ANO4: variants seen among roughly 807,000 people sequenced by gnomAD.
ANO4 encodes the protein anoctamin-4.
ANO4 carries 69 observed loss-of-function variants against 141.9 expected under a neutral mutation model. That is an observed-to-expected ratio of 0.49 (90% confidence interval 0.40 to 0.59). The LOEUF (loss-of-function observed/expected upper bound fraction) is 0.59. Ranked by LOEUF, ANO4 falls within the 20% of genes least tolerant of loss-of-function variation. The pLI, the probability that ANO4 is intolerant of heterozygous loss-of-function variation, is 0.00. For synonymous variants in ANO4, 350 were observed against 394.3 expected (o/e 0.89, Z 1.33); for missense variants, 894 against 1,162.2 (o/e 0.77, Z 3.36).
chr12:101,008,778 C>T (rs1052722253), intron 8 of ANO4, among the ~76,000 whole-genome samples: 6 of 152,084 alleles, frequency 3.9e-5, no homozygotes, highest in Non-Finnish European at 5.9e-5. Flanking sequence ...ATGCATCATA[C>T]GTAATCAATT....
chr12:101,108,908 C>A (rs1330604984), intron 22 of ANO4, among the ~76,000 whole-genome samples: 1 of 152,178 alleles, frequency 6.6e-6, no homozygotes, highest in East Asian at 1.9e-4. Flanking sequence ...GTCTAATCCA[C>A]AGACCTTATT....
At chr12:100,800,161 A>G (rs939675754) in intron 1 of ANO4, among the ~76,000 whole-genome samples, 1 of 152,248 alleles carries the variant, frequency 6.6e-6, no homozygotes, top group South Asian at 2.1e-4. Context: ...AAAACTATGC[A>G]TAGTTTTTCC....
intron 14 of ANO4, among the ~76,000 whole-genome samples, chr12:101,074,644 A>T (rs2048952719): frequency 6.6e-6 from 1 of 152,208 alleles, no homozygotes; most frequent in South Asian, 2.1e-4. Context: ...AATGAGAGTG[A>T]TAGTTAGAAC....
chr12:100,935,298 T>G (rs1208901083), intron 3 of ANO4, among the ~76,000 whole-genome samples: 1 of 152,220 alleles, frequency 6.6e-6, no homozygotes, highest in East Asian at 1.9e-4. Context: ...GTTTTTAGCA[T>G]GAAGGGCTGT....
chr12:100,729,715 A>G (rs1272758001), intron 1 of ANO4, among the ~76,000 whole-genome samples: 1 of 152,224 alleles, frequency 6.6e-6, no homozygotes, highest in Non-Finnish European at 1.5e-5. Flanking sequence ...GCTCTTCTGT[A>G]AAATCTAGCC....
chr12:100,796,811 A>C (rs192210640), intron 1 of ANO4, among the ~76,000 whole-genome samples: 1 of 152,022 alleles, frequency 6.6e-6, no homozygotes, highest in African/African-American at 2.4e-5. Flanking sequence ...TTTCATCCTT[A>C]ATGGTGTGTT....
At chr12:100,880,267 A>G (rs972212647) in intron 1 of ANO4, among the ~76,000 whole-genome samples, 4 of 152,206 alleles carry the variant, frequency 2.6e-5, no homozygotes, top group Non-Finnish European at 5.9e-5. Flanking sequence ...GTTAAATTCT[A>G]TAGGTCATGT....
chr12:100,931,559 T>C (rs866552508), intron 3 of ANO4, among the ~76,000 whole-genome samples: 42 of 152,302 alleles, frequency 2.8e-4, no homozygotes, highest in African/African-American at 9.1e-4. Flanking sequence ...CTGGCTTCTT[T>C]ATAATAATAC....
intron 3 of ANO4, among the ~76,000 whole-genome samples, chr12:100,783,718 T>G (rs2033777373): frequency 6.6e-6 from 1 of 152,194 alleles, no homozygotes; most frequent in African/African-American, 2.4e-5. Flanking sequence ...GTCAGGAATT[T>G]GCAGCTTTAT....
At chr12:101,104,601 GTGTGTGTGTGTGTGTATGTA>G (rs1460069949) in intron 22 of ANO4, among the ~76,000 whole-genome samples, 7 of 69,510 alleles carry the variant, frequency 1.0e-4, no homozygotes, top group Non-Finnish European at 1.4e-4. Flanking sequence ...ATATGTGTGT[GTGTGTGTGTGTGTGTATGTA>G]TGTGTGTATA....
chr12:100,910,923 T>G (rs2041072928), intron 2 of ANO4, among the ~76,000 whole-genome samples: 1 of 152,150 alleles, frequency 6.6e-6, no homozygotes, highest in African/African-American at 2.4e-5. Flanking sequence ...CCTTTCCACA[T>G]TTATGCATGA....
chr12:100,749,886 C>T (rs1031013125), intron 3 of ANO4, among the ~76,000 whole-genome samples: 1 of 152,044 alleles, frequency 6.6e-6, no homozygotes, highest in Non-Finnish European at 1.5e-5. Context: ...AGGGATAATG[C>T]GAGGGACATT....
At chr12:101,096,022 T>A (rs1438364044) in intron 18 of ANO4, among the ~76,000 whole-genome samples, 1 of 151,958 alleles carries the variant, frequency 6.6e-6, no homozygotes, top group Admixed American at 6.6e-5. Context: ...GAATGGAAAA[T>A]GGGGGATAAG....
intron 3 of ANO4, among the ~76,000 whole-genome samples, chr12:100,774,295 T>C (rs781111980): frequency 1.6e-4 from 25 of 152,198 alleles, no homozygotes; most frequent in African/African-American, 5.3e-4. Flanking sequence ...ATCTTAAGAA[T>C]AGCCAGAAAC....
chr12:100,861,858 C>A (rs2038497865), intron 1 of ANO4, among the ~76,000 whole-genome samples: 1 of 151,866 alleles, frequency 6.6e-6, no homozygotes, highest in South Asian at 2.1e-4. Flanking sequence ...TTTAAACTTT[C>A]TTTGTTAAGA....
At chr12:100,971,199 C>T (rs1464971286) in intron 5 of ANO4, 107 bp from the exon 6 acceptor site, 2 of 683,228 alleles carry the variant, frequency 2.9e-6, no homozygotes. Flanking sequence ...GAGGAATGCC[C>T]CAAATCATAA....
intron 3 of ANO4, among the ~76,000 whole-genome samples, chr12:100,763,977 C>A (rs562805578): frequency 6.6e-6 from 1 of 151,674 alleles, no homozygotes; most frequent in Non-Finnish European, 1.5e-5. Flanking sequence ...GGATTTGATT[C>A]TTGCCTTTGT....
chr12:100,971,443 G>A, intron 6 of ANO4, 37 bp downstream of exon 6: 1 of 1,398,432 alleles, frequency 7.2e-7, no homozygotes, highest in Non-Finnish European at 1.0e-6. Context: ...TCTCTCTGCT[G>A]CTTCACTGTA....
chr12:101,058,674 G>A (rs960679930), intron 14 of ANO4, among the ~76,000 whole-genome samples: 44 of 152,124 alleles, frequency 2.9e-4, no homozygotes, highest in African/African-American at 1.0e-3. Flanking sequence ...ATCTGTTCTT[G>A]GTGTATAAGA....
Sources: gnomAD v4.1 joint callset for allele counts (sites outside exome capture counted in the v4.1 genomes callset) on GRCh38, gnomAD v4.1.1 for gene constraint, MANE v1.5 for transcripts, NCBI Gene and HGNC (gene_info 2026-07-23, HGNC 2026-07-21) for gene names.